Variants in PPTC7 observed in about 807,000 individuals in gnomAD.
PPTC7 encodes the protein protein phosphatase PTC7 homolog.
A neutral mutation model predicts 30.8 loss-of-function variants in PPTC7; 6 were observed. That is an observed-to-expected ratio of 0.19 (90% CI 0.11 to 0.38). PPTC7 has a LOEUF of 0.38. Among genes scored for constraint, PPTC7 ranks in the 10% least tolerant of loss-of-function variants. PPTC7 has a pLI of 1.00. For synonymous variants in PPTC7, 163 were observed against 168.1 expected, an observed-to-expected ratio of 0.97 and a Z score of 0.23; for missense variants, 218 against 404.8, an observed-to-expected ratio of 0.54 and a Z score of 3.96.
In PPTC7 at chr12:110,573,204, C is replaced by T. The variant is rs536147489; in HGVS notation, c.223+9605G>A. On this transcript the variant is annotated intron_variant, in intron 1 of 5. Coordinates refer to ENST00000354300, the MANE Select transcript of PPTC7 (RefSeq NM_139283.2). ...CCTATGGTCATCTTTATATCAAAGG[C>T]CTTGCAAATGCTCATAGGCTTTGAC... Among the ~76,000 whole-genome samples, 17 of 152,164 alleles carry T rather than the reference C, an allele frequency of 1.1e-4. No homozygotes were observed. In the South Asian group the frequency reaches 3.1e-3, roughly 28 times the overall value.
intron 1 of PPTC7, among the ~76,000 whole-genome samples, chr12:110,563,122 CAAAAAAAAAAAA>C (rs766517371): frequency 1.4e-4 from 6 of 43,094 alleles, no homozygotes; most frequent in East Asian, 1.5e-3. Context: ...GACTCCATCT[CAAAAAAAAAAAA>C]AAAAAAAAAA....
At chr12:110,551,115 T>G (rs1328404849) in intron 2 of PPTC7, among the ~76,000 whole-genome samples, 2 of 152,196 alleles carry the variant, frequency 1.3e-5, no homozygotes, top group African/African-American at 4.8e-5. Flanking sequence ...ACAGATAGAC[T>G]TTTAGGTTGT....
intron 1 of PPTC7, among the ~76,000 whole-genome samples, chr12:110,568,366 C>A (rs2064503650): frequency 6.6e-6 from 1 of 151,846 alleles, no homozygotes; most frequent in Non-Finnish European, 1.5e-5. Context: ...CATTCTCCTG[C>A]CTCAGCCTCC....
intron 3 of PPTC7, among the ~76,000 whole-genome samples, chr12:110,543,810 C>T (rs143834483): frequency 7.2e-5 from 11 of 152,312 alleles, no homozygotes; most frequent in African/African-American, 1.4e-4. Flanking sequence ...CACATGCTAG[C>T]GAGCTGTCTC....
chr12:110,556,343 A>G (rs1400268130), intron 1 of PPTC7, among the ~76,000 whole-genome samples: 1 of 152,230 alleles, frequency 6.6e-6, no homozygotes, highest in Non-Finnish European at 1.5e-5. Flanking sequence ...GTGCATATAT[A>G]TAACTAAATT....
chr12:110,540,285 C>T (rs2064247991), intron 3 of PPTC7, among the ~76,000 whole-genome samples: 1 of 149,570 alleles, frequency 6.7e-6, no homozygotes, highest in African/African-American at 2.5e-5. Context: ...AGTCTTTATT[C>T]CTAATTCTTT....
chr12:110,575,965 A>T (rs1218914907), intron 1 of PPTC7, among the ~76,000 whole-genome samples: 1 of 152,194 alleles, frequency 6.6e-6, no homozygotes, highest in Non-Finnish European at 1.5e-5. Flanking sequence ...ATACCAAGGA[A>T]CAGAAGTTTA....
chr12:110,557,320 A>G (rs2064397513), intron 1 of PPTC7, among the ~76,000 whole-genome samples: 1 of 152,246 alleles, frequency 6.6e-6, no homozygotes, highest in African/African-American at 2.4e-5. Flanking sequence ...ACTCTAGCCC[A>G]GGCTGGAGTA....
At chr12:110,571,118 C>T (rs2064532125) in intron 1 of PPTC7, among the ~76,000 whole-genome samples, 1 of 152,122 alleles carries the variant, frequency 6.6e-6, no homozygotes, top group Non-Finnish European at 1.5e-5. Flanking sequence ...TTACGGTAAG[C>T]TTGTGCACTC....
intron 1 of PPTC7, among the ~76,000 whole-genome samples, chr12:110,555,609 C>T (rs1057057914): frequency 1.3e-5 from 2 of 152,180 alleles, no homozygotes; most frequent in Non-Finnish European, 2.9e-5. Context: ...ATAGTCCACT[C>T]GCAATCTGCT....
chr12:110,573,958 G>A (rs1303878456), intron 1 of PPTC7, among the ~76,000 whole-genome samples: 1 of 151,136 alleles, frequency 6.6e-6, no homozygotes, highest in Non-Finnish European at 1.5e-5. Context: ...TCCAGCCTGG[G>A]CAACAAGAGC....
intron 2 of PPTC7, among the ~76,000 whole-genome samples, chr12:110,547,040 A>G (rs1483587490): frequency 1.3e-5 from 2 of 152,220 alleles, no homozygotes; most frequent in South Asian, 2.1e-4. Context: ...CCTGGAGCGC[A>G]AGATAGCCCG....
chr12:110,534,808 ATAAAACACCACCAATCTAGC>A lies in PPTC7; in HGVS notation c.*2209_*2228del, dbSNP rs2064206956. 6.6e-6 allele frequency: 1 copy of A among 152,670 alleles called. No homozygotes were observed. Among genetic ancestry groups the A allele is most frequent in the Non-Finnish European group, 1.5e-5 (1 of 68,040 alleles). 9.5% of individuals were successfully genotyped at this position (152,670 alleles called of 1,614,324 possible). A position where few individuals can be genotyped will look rare whatever the true frequency, so the allele number is the denominator to read the frequency against. On this transcript the variant is annotated 3_prime_UTR_variant, in exon 6 of 6. Transcript: ENST00000354300. ...AAGGTAAGCTGAGTAAATAAGTTGT[ATAAAACACCACCAATCTAGC>A]TTTACAAAGATTGTGTTTGACGGGT...
intron 1 of PPTC7, among the ~76,000 whole-genome samples, chr12:110,556,818 C>G (rs1049819765): frequency 3.3e-5 from 5 of 152,164 alleles, no homozygotes; most frequent in African/African-American, 7.2e-5. Context: ...ACCAGACAAA[C>G]GGCTCCCATA....
At chr12:110,546,241 A>C (rs2064304964) in intron 2 of PPTC7, 163 bp from the exon 3 acceptor site, 1 of 618,848 alleles carries the variant, frequency 1.6e-6, no homozygotes, top group Non-Finnish European at 2.9e-6. Flanking sequence ...ATATCAATAA[A>C]ATCCTGATCA....
intron 1 of PPTC7, among the ~76,000 whole-genome samples, chr12:110,574,314 G>A (rs1006692075): frequency 3.3e-5 from 5 of 152,002 alleles, no homozygotes; most frequent in African/African-American, 9.6e-5. Context: ...CAGCAGCTTC[G>A]TAGTTACAAA....
At chr12:110,574,091 A>C (rs1386409667) in intron 1 of PPTC7, among the ~76,000 whole-genome samples, 2 of 142,920 alleles carry the variant, frequency 1.4e-5, no homozygotes, top group African/African-American at 2.6e-5. Flanking sequence ...GGAGCCCAGG[A>C]ATTTGAGACC....
chr12:110,546,992 T>A (rs2064311250), intron 2 of PPTC7, among the ~76,000 whole-genome samples: 1 of 151,854 alleles, frequency 6.6e-6, no homozygotes, highest in Non-Finnish European at 1.5e-5. Context: ...CACAGAACAT[T>A]CATTCTGCGG....
chr12:110,537,085 T>A lies in PPTC7; in HGVS notation c.867A>T (p.Pro289=). The change falls in exon 6 of 6, where the codon CCA becomes CCT. Residue 289 remains proline, a synonymous_variant. Coordinates refer to ENST00000354300, the MANE Select transcript of PPTC7 (RefSeq NM_139283.2). The stretch of plus-strand genomic sequence containing the variant: ...TTGAAAGAAGGACGGTGATGTCATC[T>A]GGCTTTCCACCTACAATGAAAATGA... ...DNGLNVRGGK[P]DDITVLLSIV... 1 of 1,609,460 alleles carries A rather than the reference T, an allele frequency of 6.2e-7. No individual in the cohort carries two copies.
Sources: gnomAD v4.1 joint callset for allele counts (sites outside exome capture counted in the v4.1 genomes callset) on GRCh38, gnomAD v4.1.1 for gene constraint, MANE v1.5 for transcripts, NCBI Gene and HGNC (gene_info 2026-07-23, HGNC 2026-07-21) for gene names.